Variants in PIGO observed in about 807,000 individuals in gnomAD.
PIGO encodes the protein GPI ethanolamine phosphate transferase 3, catalytic subunit.
A neutral mutation model predicts 86.9 loss-of-function variants in PIGO; 66 were observed. The ratio of observed to expected loss-of-function variants is 0.76; its 90% CI spans 0.62 to 0.93. PIGO has a LOEUF of 0.93. Among genes scored for constraint, PIGO ranks in the 40% least tolerant of loss-of-function variants. The probability of loss-of-function intolerance (pLI) is 0.00; values close to 1 mark genes in which losing one functional copy is unlikely to be tolerated. For missense variants in PIGO, 1,202 were observed against 1,359.1 expected, an observed-to-expected ratio of 0.88 and a Z score of 1.82; for synonymous variants, 570 against 556.4, an observed-to-expected ratio of 1.02 and a Z score of -0.34.
chr9:35,089,575 T>C, intron 9 of PIGO, 125 bp from the exon 10 acceptor site: 1 of 1,516,410 alleles, frequency 6.6e-7, no homozygotes, highest in Non-Finnish European at 8.8e-7. Flanking sequence ...GTGGAAAAAA[T>C]ATTGCATGTC....
chr9:35,088,978 T>C lies in PIGO; in HGVS notation c.*114A>G, dbSNP rs1178005379. On this transcript the variant is annotated 3_prime_UTR_variant, in exon 11 of 11. Coordinates refer to ENST00000378617, the MANE Select transcript of PIGO (RefSeq NM_032634.4). ...TAGATGTCAGCGGCCCCTGGCTGCA[T>C]GATAGTAAGAGTATGGCTGAGCCTG... 7.0e-7 allele frequency: 1 copy of C among 1,431,410 alleles called. No homozygotes were observed. Among genetic ancestry groups the C allele is most frequent in the Non-Finnish European group, 9.5e-7 (1 of 1,053,310 alleles). 88.7% of individuals were successfully genotyped at this position (1,431,410 alleles called of 1,614,324 possible). A position where few individuals can be genotyped will look rare whatever the true frequency, so the allele number is the denominator to read the frequency against.
Position 35,092,183 on chromosome 9 carries a change from A to C in PIGO, c.1704T>G (p.Ala568=). 6.2e-7 allele frequency: 1 copy of C among 1,614,236 alleles called. No individual in the cohort carries two copies. The highest frequency in any genetic ancestry group is 2.2e-5 in the East Asian group (1 of 44,888). Reference sequence around the variant, plus strand: ...AAAGGAAGGGGGTGGCCCTGGCCTCAGCTACAACAAAACTATCAGAGAAGA... The same window carrying C: ...AAAGGAAGGGGGTGGCCCTGGCCTCCGCTACAACAAAACTATCAGAGAAGA... ...AVFFSDSFVV[A]EARATPFLLG... is the part of the protein sequence containing the mutation. Residue 568 remains alanine, a synonymous_variant, in exon 7 of 11, where the codon GCT becomes GCG. Transcript: ENST00000378617.
Position 35,090,336 on chromosome 9 carries a change from TC to T in PIGO, c.2855-57del, listed in dbSNP as rs1469743572. On this transcript the variant is annotated intron_variant, in intron 8 of 10. Coordinates refer to ENST00000378617, the MANE Select transcript of PIGO (RefSeq NM_032634.4). Reference sequence around the variant, plus strand: ...ACAGGCCACCCTGGCTGGCTCAGGTTCCAATTAGCCTAGGCCAAGGGGTGCC... The same window carrying T: ...ACAGGCCACCCTGGCTGGCTCAGGTTCAATTAGCCTAGGCCAAGGGGTGCC... 7 of 1,589,780 alleles carry T rather than the reference TC, an allele frequency of 4.4e-6. No homozygotes were observed. The African/African-American group carries it at 9.4e-5, about 21-fold the overall frequency.
At position 35,091,878 on chromosome 9, in the gene PIGO, T is replaced by TA. The variant is rs755386619; in HGVS notation, c.2008dup (p.Tyr670LeufsTer24). 1 of 1,614,168 alleles carries TA rather than the reference T, an allele frequency of 6.2e-7. No homozygotes were observed. The highest frequency in any genetic ancestry group is 8.5e-7 in the Non-Finnish European group (1 of 1,180,032). ...CACCAGCGCCGCCACACAAGCTCCA[T>TA]ACCACAAATTCTTGGCTCGACCACC... On this transcript the variant is annotated frameshift_variant, in exon 7 of 11. Transcript: ENST00000378617. LOFTEE classifies it high-confidence loss of function.
Position 35,091,325 on chromosome 9 carries a change from G to T in PIGO, c.2562C>A (p.Arg854=). The T allele has an allele frequency of 6.2e-7, 1 of 1,614,206 alleles. No individual in the cohort carries two copies. Among genetic ancestry groups the T allele is most frequent in the Non-Finnish European group, 8.5e-7 (1 of 1,180,032 alleles). ...AFPLLLLHAE[R]ISLVFLLLFL... ...ACAGAAGCAGGAACACAAGGCTGATGCGCTCCGCATGCAACAGCAGAAGTG... is the reference window on the plus strand; with the variant it reads ...ACAGAAGCAGGAACACAAGGCTGATTCGCTCCGCATGCAACAGCAGAAGTG... Residue 854 remains arginine, a synonymous_variant, in exon 7 of 11, where the codon CGC becomes CGA. Transcript: ENST00000378617.
At chr9:35,089,763 A>G (rs774598077) in intron 9 of PIGO, 1 of 1,391,020 alleles carries the variant, frequency 7.2e-7, no homozygotes, top group Non-Finnish European at 9.3e-7. Context: ...CCATGACCAC[A>G]GTTTGGGAAG....
Position 35,091,562 on chromosome 9 carries a change from C to A in PIGO, c.2325G>T (p.Arg775Ser), listed in dbSNP as rs367815008. 6 of 1,613,962 alleles carry A rather than the reference C, an allele frequency of 3.7e-6. No homozygotes were observed. The highest frequency in any genetic ancestry group is 4.2e-6 in the Non-Finnish European group (5 of 1,180,042). ...AGAAGGGAGTGAGGACAGTCCTGGT[C>A]CTTGGAGCGCCTGCCCCAGCCTTCA... is the stretch of plus-strand genomic sequence containing the variant. ...VLVKAGAGAP[R>S]TRTVLTPFSG... is the part of the protein sequence containing the mutation. Residue 775 changes from arginine (R) to serine (S), a missense_variant, in exon 7 of 11, where the codon AGG becomes AGT. Arg to Ser is a moderately radical substitution (Grantham distance 110). Coordinates refer to ENST00000378617, the MANE Select transcript of PIGO (RefSeq NM_032634.4).
chr9:35,093,779 C>T, intron 4 of PIGO, 122 bp downstream of exon 4: 2 of 1,505,186 alleles, frequency 1.3e-6, no homozygotes, highest in East Asian at 2.3e-5. Flanking sequence ...TGGATGGAGC[C>T]TCTAGCTTCA....
chr9:35,092,640 C>G lies in PIGO; in HGVS notation c.1247G>C (p.Gly416Ala). 6.2e-7 allele frequency: 1 copy of G among 1,614,236 alleles called. No homozygotes were observed. Among genetic ancestry groups the G allele is most frequent in the Non-Finnish European group, 8.5e-7 (1 of 1,180,048 alleles). ...CACAGTCGGCAGTGTCGCCTCAGCC[C>G]CCTTGGGGCTCTGGAGAAGCCACTG... ...DYQWLLQSPK[G>A]AEATLPTVIA... Residue 416 changes from glycine to alanine, a missense_variant, in exon 7 of 11, where the codon GGG becomes GCG. Coordinates refer to ENST00000378617, the MANE Select transcript of PIGO (RefSeq NM_032634.4).
At chr9:35,093,734 C>T in intron 4 of PIGO, 154 bp from the exon 5 acceptor site, 1 of 1,431,654 alleles carries the variant, frequency 7.0e-7, no homozygotes, top group Non-Finnish European at 9.4e-7. Flanking sequence ...GGCCATGATC[C>T]TGATGCCCAA....
Position 35,096,507 on chromosome 9 carries a change from C to T in PIGO, c.-354G>A, listed in dbSNP as rs895705658. Reference sequence around the variant, plus strand: ...TGAGGGGAAGAGGGAGACTCCCTTACTTCAGGGTGAGGGGAATACCGGGGG... The same window carrying T: ...TGAGGGGAAGAGGGAGACTCCCTTATTTCAGGGTGAGGGGAATACCGGGGG... On this transcript the variant is annotated 5_prime_UTR_variant, in exon 1 of 11. Coordinates refer to ENST00000378617, the MANE Select transcript of PIGO (RefSeq NM_032634.4). 7 of 152,396 alleles carry T rather than the reference C, an allele frequency of 4.6e-5. No homozygotes were observed. The highest frequency in any genetic ancestry group is 1.7e-4 in the African/African-American group (7 of 41,472). The allele number at this position is 152,396 out of a possible 1,614,324, so 9.4% of individuals were successfully genotyped here.
chr9:35,091,663 C>T lies in PIGO; in HGVS notation c.2224G>A (p.Val742Met), dbSNP rs1232633765. Residue 742 changes from valine to methionine, a missense_variant, in exon 7 of 11, where the codon GTG (valine) becomes ATG (methionine). Transcript: ENST00000378617. ...AGCCCTGCTACAGCCCGAGGCAGCA[C>T]CATGGATGCCCCAGAGACCAGGACC... ...LRVLVSGASM[V>M]LPRAVAGLAA... The T allele has an allele frequency of 6.2e-7, 1 of 1,613,130 alleles. No individual in the cohort carries two copies. The highest frequency in any genetic ancestry group is 1.1e-5 in the South Asian group (1 of 91,080).
In PIGO at chr9:35,092,280, T is replaced by C. The variant is rs559748160; in HGVS notation, c.1607A>G (p.Lys536Arg). ...GGGAAACAGGGTTGCCAGGGGCCTC[T>C]TGGACCCCCAGCCAGCCCAGGCTTT... ...LWKAWAGWGS[K>R]RPLATLFPIP... The change falls in exon 7 of 11, where the codon AAG becomes AGG. Residue 536 changes from lysine (K) to arginine (R), a missense_variant. By Grantham distance (26) the Lys-to-Arg change is conservative. Coordinates refer to ENST00000378617, the MANE Select transcript of PIGO (RefSeq NM_032634.4). 14 of 1,614,190 alleles carry C rather than the reference T, an allele frequency of 8.7e-6. No individual in the cohort carries two copies. The highest frequency in any genetic ancestry group is 6.7e-5 in the East Asian group (3 of 44,882).
At position 35,089,468 on chromosome 9, in the gene PIGO, G is replaced by A. The variant is rs757401378; in HGVS notation, c.3070-18C>T. ...GCCAGAATCTAGAGGAGGAGAGGAG[G>A]GGCCACGTTACTTGTGAAGGAGAGG... On this transcript the variant is annotated intron_variant, in intron 9 of 10. Coordinates refer to ENST00000378617, the MANE Select transcript of PIGO (RefSeq NM_032634.4). The A allele has an allele frequency of 2.5e-6, 4 of 1,614,002 alleles. No individual in the cohort carries two copies. In the African/African-American group the frequency reaches 4.0e-5, roughly 16 times the overall value.
At chr9:35,094,668 C>T (rs1332212073) in intron 2 of PIGO, among the ~76,000 whole-genome samples, 1 of 152,216 alleles carries the variant, frequency 6.6e-6, no homozygotes, top group Non-Finnish European at 1.5e-5. Context: ...AGTGAATGAA[C>T]AGGGCCTGTA....
rs866335855 is a variant in PIGO, at chr9:35,095,189, T to C, written c.377A>G (p.Asp126Gly). 3 of 1,613,650 alleles carry C rather than the reference T, an allele frequency of 1.9e-6. No homozygotes were observed. The African/African-American group carries it at 4.0e-5, about 22-fold the overall frequency. The change falls in exon 2 of 11, where the codon GAC becomes GGC. Residue 126 changes from aspartate to glycine, a missense_variant. Physicochemically the swap from Asp to Gly is moderately conservative, Grantham distance 94 (BLOSUM62 -1). Coordinates refer to ENST00000378617, the MANE Select transcript of PIGO (RefSeq NM_032634.4). ...GCGCTGCATGGTGGTGGTAGGAGGGTCAACCTGAGATCGGTAGAGCCGGGC... is the reference window on the plus strand; with the variant it reads ...GCGCTGCATGGTGGTGGTAGGAGGGCCAACCTGAGATCGGTAGAGCCGGGC... Reference protein sequence around the residue: ...HHARLYRSQVDPPTTTMQRLK... With the variant: ...HHARLYRSQVGPPTTTMQRLK...
chr9:35,089,821 G>A (rs1829331667), intron 9 of PIGO: 2 of 1,404,288 alleles, frequency 1.4e-6, no homozygotes, highest in Non-Finnish European at 1.8e-6. Context: ...CACTGATAGA[G>A]TAATCCTCAA....
Position 35,094,037 on chromosome 9 carries a change from G to C in PIGO, c.656-13C>G. On this transcript the variant is annotated splice_polypyrimidine_tract_variant and intron_variant, in intron 3 of 10. Transcript: ENST00000378617. ...TCACCACTGTCCACTGTGAAGGGGA[G>C]AACACTGAGCACAGAAGACTAAGAC... The C allele has an allele frequency of 6.2e-7, 1 of 1,612,104 alleles. No individual in the cohort carries two copies. Among genetic ancestry groups the C allele is most frequent in the Non-Finnish European group, 8.5e-7 (1 of 1,179,046 alleles).
At position 35,091,916 on chromosome 9, in the gene PIGO, C is replaced by T; in HGVS notation, c.1971G>A (p.Leu657=). ...TGGCTCGACCACCCACCATGGATGCCAGAGGACTCAGCCAGGGAGAGGAGT... is the reference window on the plus strand; with the variant it reads ...TGGCTCGACCACCCACCATGGATGCTAGAGGACTCAGCCAGGGAGAGGAGT... ...VCHSSPWLSP[L]ASMVGGRAKN... The change falls in exon 7 of 11, where the codon CTG becomes CTA. Residue 657 remains leucine (L), a synonymous_variant. Coordinates refer to ENST00000378617, the MANE Select transcript of PIGO (RefSeq NM_032634.4). The T allele has an allele frequency of 6.2e-7, 1 of 1,614,220 alleles. No individual in the cohort carries two copies. Among genetic ancestry groups the T allele is most frequent in the African/African-American group, 1.3e-5 (1 of 75,064 alleles).
Sources: gnomAD v4.1 joint callset for allele counts (sites outside exome capture counted in the v4.1 genomes callset) on GRCh38, gnomAD v4.1.1 for gene constraint, MANE v1.5 for transcripts, NCBI Gene and HGNC (gene_info 2026-07-23, HGNC 2026-07-21) for gene names.